NSD3: variants seen among roughly 807,000 people sequenced by gnomAD.
NSD3 encodes histone-lysine N-methyltransferase NSD3.
In NSD3, 24 loss-of-function variants were observed where a neutral mutation model predicts 160.8. The ratio of observed to expected loss-of-function variants is 0.15; its 90% CI spans 0.11 to 0.21. The LOEUF (loss-of-function observed/expected upper bound fraction) is 0.21, where lower values mean the gene tolerates loss of function less well. Among genes scored for constraint, NSD3 ranks in the 10% least tolerant of loss-of-function variants. The probability of loss-of-function intolerance (pLI) is 1.00; values close to 1 mark genes in which losing one functional copy is unlikely to be tolerated. For synonymous variants in NSD3, 520 were observed against 600.0 expected (o/e 0.87, Z 1.95); for missense variants, 1,157 against 1,735.9 (o/e 0.67, Z 5.93).
Position 38,306,196 on chromosome 8 carries a change from A to C in NSD3, c.2243-751T>G, listed in dbSNP as rs750077380. Among the ~76,000 whole-genome samples the C allele has an allele frequency of 4.5e-4, 69 of 152,284 alleles. No individual in the cohort carries two copies. The Middle Eastern group carries it at 0.014, about 30-fold the overall frequency. ...AAAAAGGAGAAAGATCCTAATATTA[A>C]TATCAGATATGAAAAATGGAACATC... On this transcript the variant is annotated intron_variant, in intron 12 of 23. Coordinates refer to ENST00000317025, the MANE Select transcript of NSD3 (RefSeq NM_023034.2).
intron 14 of NSD3, among the ~76,000 whole-genome samples, chr8:38,301,076 C>T (rs1055415226): frequency 6.6e-6 from 1 of 152,112 alleles, no homozygotes; most frequent in African/African-American, 2.4e-5. Flanking sequence ...CTCGAGTGAT[C>T]CTACCACCTC....
chr8:38,317,908 A>G lies in NSD3; in HGVS notation c.1855+987T>C, dbSNP rs756734415. On this transcript the variant is annotated intron_variant, in intron 9 of 23. Transcript: ENST00000317025. This position sits in a 1 kb window ranked among gnomAD's most constrained non-coding sequence, Gnocchi z 5.3. ...CAAGCCGCCGACAAAGAAATCTTGCATGGAGACTACAAGTCTGGAGTTTCT... is the reference window on the plus strand; with the variant it reads ...CAAGCCGCCGACAAAGAAATCTTGCGTGGAGACTACAAGTCTGGAGTTTCT... The G allele has an allele frequency of 1.4e-4, 223 of 1,612,170 alleles. No homozygotes were observed. Among genetic ancestry groups the G allele is most frequent in the Non-Finnish European group, 1.8e-4 (209 of 1,179,210 alleles).
intron 7 of NSD3, 35 bp downstream of exon 7, chr8:38,326,695 A>G: frequency 6.3e-7 from 1 of 1,580,302 alleles, no homozygotes; most frequent in Non-Finnish European, 8.6e-7. Context: ...GGATTTCTCA[A>G]AATGGACCTA....
intron 7 of NSD3, among the ~76,000 whole-genome samples, chr8:38,325,017 A>G (rs1359827159): frequency 1.3e-5 from 2 of 152,238 alleles, no homozygotes; most frequent in African/African-American, 4.8e-5. Flanking sequence ...ATGCTTTATC[A>G]TGAACCAGTA....
Position 38,329,224 on chromosome 8 carries a change from T to C in NSD3, c.1581+154A>G, listed in dbSNP as rs1164922961. ...AGAAGAAAAACATAGCCTTTTTGCCTGTCTTTTTTGCCCACAGAGTACAAT... is the reference window on the plus strand; with the variant it reads ...AGAAGAAAAACATAGCCTTTTTGCCCGTCTTTTTTGCCCACAGAGTACAAT... On this transcript the variant is annotated intron_variant, in intron 6 of 23. Transcript: ENST00000317025. This position sits in a 1 kb window ranked among gnomAD's most constrained non-coding sequence, Gnocchi z 4.8. Among the ~76,000 whole-genome samples, 2 of 152,224 alleles carry C rather than the reference T, an allele frequency of 1.3e-5. No individual in the cohort carries two copies. Among genetic ancestry groups the C allele is most frequent in the African/African-American group, 2.4e-5 (1 of 41,454 alleles).
intron 12 of NSD3, 48 bp downstream of exon 12, chr8:38,314,599 G>A: frequency 1.9e-6 from 3 of 1,611,032 alleles, no homozygotes; most frequent in Non-Finnish European, 2.5e-6. Context: ...CACATTCCTG[G>A]CACAATCCCA....
In NSD3 at chr8:38,316,940, G is replaced by C; in HGVS notation, c.1856-898C>G. On this transcript the variant is annotated intron_variant, in intron 9 of 23. Transcript: ENST00000317025. This position sits in a 1 kb window ranked among gnomAD's most constrained non-coding sequence, Gnocchi z 4.5. ...AGCCACGATGAAATGTGCAGATCAG[G>C]CACGGTGAATACCAAGGAACCAAGG... The C allele has an allele frequency of 9.4e-7, 1 of 1,061,588 alleles. No individual in the cohort carries two copies. The highest frequency in any genetic ancestry group is 1.1e-6 in the Non-Finnish European group (1 of 876,822). 65.8% of individuals were successfully genotyped at this position (1,061,588 alleles called of 1,614,324 possible). A position where few individuals can be genotyped will look rare whatever the true frequency, so the allele number is the denominator to read the frequency against.
At chr8:38,353,712 T>C (rs1382732226) in intron 1 of NSD3, among the ~76,000 whole-genome samples, 1 of 152,196 alleles carries the variant, frequency 6.6e-6, no homozygotes, top group Non-Finnish European at 1.5e-5. Flanking sequence ...CACATATACA[T>C]TTGTATCACA....
chr8:38,347,918 T>C lies in NSD3; in HGVS notation c.254A>G (p.Lys85Arg), dbSNP rs1018216689. 1 of 1,614,090 alleles carries C rather than the reference T, an allele frequency of 6.2e-7. No homozygotes were observed. The highest frequency in any genetic ancestry group is 8.5e-7 in the Non-Finnish European group (1 of 1,180,044). ...AGGATACTGATTATATGACTGGTAT[T>C]TGGTTTGAGTTTCATACACACTGAT... ...SSISVYETQT[K>R]YQSYNQYPNG... is the part of the protein sequence containing the mutation. Residue 85 changes from lysine to arginine, a missense_variant, in exon 2 of 24, where the codon AAA (lysine) becomes AGA (arginine). Lys to Arg is a conservative substitution (Grantham distance 26, BLOSUM62 2). Transcript: ENST00000317025.
intron 2 of NSD3, among the ~76,000 whole-genome samples, chr8:38,345,097 C>T (rs1423908474): frequency 6.6e-6 from 1 of 152,100 alleles, no homozygotes; most frequent in Non-Finnish European, 1.5e-5. Flanking sequence ...TCAGAATGGA[C>T]TACAACTTCT....
intron 16 of NSD3, among the ~76,000 whole-genome samples, chr8:38,294,396 A>C (rs1178626389): frequency 6.6e-6 from 1 of 152,170 alleles, no homozygotes; most frequent in Non-Finnish European, 1.5e-5. Flanking sequence ...GTACCTGGCC[A>C]AGTTTTAAAA....
intron 1 of NSD3, among the ~76,000 whole-genome samples, chr8:38,370,142 A>G (rs1049316115): frequency 2.0e-5 from 3 of 152,202 alleles, no homozygotes; most frequent in Non-Finnish European, 4.4e-5. Flanking sequence ...TTAAGCGAAC[A>G]TAACAAAAGA....
intron 1 of NSD3, among the ~76,000 whole-genome samples, chr8:38,365,660 A>G (rs1401828141): frequency 2.0e-5 from 3 of 152,004 alleles, no homozygotes. Context: ...TTTAGTAGAG[A>G]CGGGGTTTCC....
At chr8:38,286,552 T>C (rs142447290) in intron 19 of NSD3, among the ~76,000 whole-genome samples, 16 of 152,322 alleles carry the variant, frequency 1.1e-4, no homozygotes, top group Non-Finnish European at 1.9e-4. Flanking sequence ...GTGTGTTATG[T>C]CTTAATTTGC....
chr8:38,381,416 C>A (rs1811552565), intron 1 of NSD3, among the ~76,000 whole-genome samples: 1 of 151,898 alleles, frequency 6.6e-6, no homozygotes, highest in Non-Finnish European at 1.5e-5. Context: ...TTTATCAGTC[C>A]ACCCAGGTCT....
chr8:38,316,178 AAAT>A lies in NSD3; in HGVS notation c.1856-139_1856-137del, dbSNP rs1466962022. ...AAGCATAGCTCTCTTTGTAACACTG[AAAT>A]AATGAGTCAAAACTTCAGAACTTCT... On this transcript the variant is annotated intron_variant, in intron 9 of 23. Transcript: ENST00000317025. The surrounding 1 kb of genome is among the most constrained non-coding windows in gnomAD (Gnocchi z 4.5). 1.5e-5 allele frequency: 19 copies of A among 1,289,874 alleles called. No individual in the cohort carries two copies. The highest frequency in any genetic ancestry group is 1.4e-4 in the Admixed American group (5 of 36,600). The allele number at this position is 1,289,874 out of a possible 1,614,324, so 79.9% of individuals were successfully genotyped here. A position where few individuals can be genotyped will look rare whatever the true frequency, so the allele number is the denominator to read the frequency against.
At chr8:38,296,714 G>GTA (rs773502290) in intron 15 of NSD3, among the ~76,000 whole-genome samples, 1 of 131,786 alleles carries the variant, frequency 7.6e-6, no homozygotes, top group Non-Finnish European at 1.7e-5. Flanking sequence ...GTGTGTGTGT[G>GTA]TATGTGTGTG....
intron 12 of NSD3, among the ~76,000 whole-genome samples, chr8:38,313,680 C>T (rs1009854756): frequency 1.3e-5 from 2 of 150,962 alleles, no homozygotes; most frequent in South Asian, 2.1e-4. Flanking sequence ...CCCAGCTACT[C>T]GGGAGGCTGA....
At chr8:38,358,960 G>A (rs923339530) in intron 1 of NSD3, among the ~76,000 whole-genome samples, 5 of 151,888 alleles carry the variant, frequency 3.3e-5, no homozygotes, top group Non-Finnish European at 7.4e-5. Flanking sequence ...TCAGTATATG[G>A]GTTTGGTAGG....
Sources: allele counts gnomAD v4.1 joint callset (sites outside exome capture counted in the v4.1 genomes callset), GRCh38; gene constraint gnomAD v4.1.1; non-coding constraint Gnocchi (gnomAD v3.1); transcripts MANE v1.5; gene names NCBI Gene and HGNC (gene_info 2026-07-23, HGNC 2026-07-21).